SH3PXD2A: variants seen among roughly 807,000 people sequenced by gnomAD.
The protein encoded by SH3PXD2A is SH3 and PX domains 2A.
A neutral mutation model predicts 115.2 loss-of-function variants in SH3PXD2A; 32 were observed. The ratio of observed to expected loss-of-function variants is 0.28; its 90% confidence interval spans 0.21 to 0.37. The LOEUF (loss-of-function observed/expected upper bound fraction) is 0.37. Among genes scored for constraint, SH3PXD2A ranks in the 10% least tolerant of loss-of-function variants. The pLI, the probability that SH3PXD2A is intolerant of heterozygous loss-of-function variation, is 1.00. For synonymous variants in SH3PXD2A, 610 were observed against 629.1 expected, an observed-to-expected ratio of 0.97 and a Z score of 0.45; for missense variants, 1,328 against 1,498.7, an observed-to-expected ratio of 0.89 and a Z score of 1.88.
At chr10:103,744,824 A>G (rs1001840932) in intron 3 of SH3PXD2A, among the ~76,000 whole-genome samples, 3 of 152,162 alleles carry the variant, frequency 2.0e-5, no homozygotes, top group Non-Finnish European at 4.4e-5. Context: ...GCTCCCATGA[A>G]TCTCTCTTTA....
At chr10:103,741,991 T>TA (rs1346008578) in intron 3 of SH3PXD2A, among the ~76,000 whole-genome samples, 3 of 151,796 alleles carry the variant, frequency 2.0e-5, no homozygotes, top group African/African-American at 2.4e-5. Context: ...CAAAATGCTA[T>TA]AAAAAAAATC....
At chr10:103,684,368 T>G (rs1399562666) in intron 6 of SH3PXD2A, among the ~76,000 whole-genome samples, 1 of 151,570 alleles carries the variant, frequency 6.6e-6, no homozygotes, top group African/African-American at 2.4e-5. Context: ...ACTAACCCTT[T>G]TTTTTTTTGA....
At chr10:103,650,896 C>T (rs1322644574) in intron 8 of SH3PXD2A, among the ~76,000 whole-genome samples, 1 of 152,248 alleles carries the variant, frequency 6.6e-6, no homozygotes, top group Non-Finnish European at 1.5e-5. Context: ...AATGGGAAGA[C>T]AGGGACAGCT....
intron 7 of SH3PXD2A, among the ~76,000 whole-genome samples, chr10:103,663,835 G>A (rs1449541956): frequency 6.6e-6 from 1 of 152,236 alleles, no homozygotes; most frequent in African/African-American, 2.4e-5. Context: ...GGCCCTGCAG[G>A]CCCATCTCAG....
In SH3PXD2A at chr10:103,665,878, C is replaced by G. The variant is rs750383753; in HGVS notation, c.472+2730G>C. 4.6e-5 allele frequency among the ~76,000 whole-genome samples: 7 copies of G among 152,250 alleles called. No homozygotes were observed. In the South Asian group the frequency reaches 1.0e-3, roughly 23 times the overall value. On this transcript the variant is annotated intron_variant, in intron 7 of 14. Coordinates refer to ENST00000369774, the MANE Select transcript of SH3PXD2A (RefSeq NM_001394015.1). This position sits in a 1 kb window ranked among gnomAD's most constrained non-coding sequence, Gnocchi z 4.0. ...GGTGTACCTCTTCTAGACAGCAGAG[C>G]CTCTCCTGGGTTGGAAGGGGCCTTT...
At chr10:103,633,596 C>T (rs1423835772) in intron 8 of SH3PXD2A, among the ~76,000 whole-genome samples, 1 of 151,448 alleles carries the variant, frequency 6.6e-6, no homozygotes, top group Admixed American at 6.6e-5. Context: ...GGTGTGGTGG[C>T]GGATGCCTGT....
At chr10:103,718,695 T>C (rs1005486106) in intron 5 of SH3PXD2A, among the ~76,000 whole-genome samples, 3 of 150,826 alleles carry the variant, frequency 2.0e-5, no homozygotes, top group African/African-American at 7.3e-5. Flanking sequence ...ACAGAGGAGG[T>C]GACCAATACA....
chr10:103,732,870 TGTGCTGGCTGGGGTCGGCCG>T (rs1224348492), intron 4 of SH3PXD2A, among the ~76,000 whole-genome samples: 1 of 152,182 alleles, frequency 6.6e-6, no homozygotes, highest in African/African-American at 2.4e-5. Context: ...CACACGGCAC[TGTGCTGGCTGGGGTCGGCCG>T]GTGATGCTGA....
intron 2 of SH3PXD2A, among the ~76,000 whole-genome samples, chr10:103,782,340 T>A (rs1197827014): frequency 6.6e-6 from 1 of 152,184 alleles, no homozygotes; most frequent in Non-Finnish European, 1.5e-5. Context: ...ATTTGAGAAG[T>A]CCTCATTGTT....
At chr10:103,817,011 T>G (rs1173239483) in intron 1 of SH3PXD2A, among the ~76,000 whole-genome samples, 1 of 148,840 alleles carries the variant, frequency 6.7e-6, no homozygotes, top group African/African-American at 2.5e-5. Context: ...TTTTTTTTTT[T>G]TTTTTTTTCT....
intron 1 of SH3PXD2A, among the ~76,000 whole-genome samples, chr10:103,837,901 C>T (rs1026937886): frequency 2.6e-5 from 4 of 152,052 alleles, no homozygotes; most frequent in African/African-American, 9.7e-5. Context: ...TGGGAAAGGC[C>T]AGAGCCCACT....
At chr10:103,694,406 C>A (rs1345580529) in intron 5 of SH3PXD2A, among the ~76,000 whole-genome samples, 1 of 152,154 alleles carries the variant, frequency 6.6e-6, no homozygotes, top group Non-Finnish European at 1.5e-5. Context: ...TCTAGGGGTG[C>A]CCTCCAACAT....
chr10:103,637,500 C>G (rs898341914), intron 8 of SH3PXD2A, among the ~76,000 whole-genome samples: 1 of 152,118 alleles, frequency 6.6e-6, no homozygotes, highest in Non-Finnish European at 1.5e-5. Flanking sequence ...GGAAGACAGG[C>G]CCTGCCTCAA....
chr10:103,834,629 G>T (rs1384702400), intron 1 of SH3PXD2A, among the ~76,000 whole-genome samples: 1 of 152,212 alleles, frequency 6.6e-6, no homozygotes, highest in African/African-American at 2.4e-5. Context: ...CTTCGGCATG[G>T]GCCACCACTC....
intron 5 of SH3PXD2A, among the ~76,000 whole-genome samples, chr10:103,695,015 C>T: frequency 6.6e-6 from 1 of 152,190 alleles, no homozygotes; most frequent in East Asian, 1.9e-4. Flanking sequence ...TAGATCGTAG[C>T]TGTGTCCTGC....
intron 5 of SH3PXD2A, among the ~76,000 whole-genome samples, chr10:103,711,523 G>T (rs995518828): frequency 1.3e-5 from 2 of 152,194 alleles, no homozygotes; most frequent in Non-Finnish European, 2.9e-5. Flanking sequence ...CCAACTCAGT[G>T]GTTAGTCCAC....
At chr10:103,774,994 A>G (rs2038864464) in intron 2 of SH3PXD2A, among the ~76,000 whole-genome samples, 1 of 152,024 alleles carries the variant, frequency 6.6e-6, no homozygotes, top group African/African-American at 2.4e-5. Flanking sequence ...AAGTTAAGTG[A>G]CTCTTCTACC....
At chr10:103,692,642 G>C (rs1235706694) in intron 6 of SH3PXD2A, among the ~76,000 whole-genome samples, 1 of 152,212 alleles carries the variant, frequency 6.6e-6, no homozygotes, top group Admixed American at 6.5e-5. Context: ...AGAGGGACCG[G>C]AGAAGTCTTA....
chr10:103,636,358 G>A (rs895147197), intron 8 of SH3PXD2A, among the ~76,000 whole-genome samples: 37 of 150,624 alleles, frequency 2.5e-4, no homozygotes, highest in African/African-American at 8.6e-4. Context: ...GCAGTGAGTC[G>A]AGATCGTACC....
Sources: allele counts gnomAD v4.1 joint callset (sites outside exome capture counted in the v4.1 genomes callset), GRCh38; gene constraint gnomAD v4.1.1; non-coding constraint Gnocchi (gnomAD v3.1); transcripts MANE v1.5; gene names NCBI Gene and HGNC (gene_info 2026-07-23, HGNC 2026-07-21).